BICD1: variants seen among roughly 807,000 people sequenced by gnomAD.
BICD1 encodes protein bicaudal D homolog 1.
BICD1 carries 35 observed loss-of-function variants against 92.5 expected under a neutral mutation model. The observed-to-expected ratio is 0.38, with a 90% CI of 0.29 to 0.50. BICD1 has a LOEUF of 0.50. Ranked by LOEUF, BICD1 falls within the 20% of genes least tolerant of loss-of-function variation. BICD1 has a pLI of 0.93. For synonymous variants in BICD1, 429 were observed against 465.1 expected (o/e 0.92, Z 1.00); for missense variants, 950 against 1,189.8 (o/e 0.80, Z 2.97).
rs59062799 is a variant in BICD1 at position 32,112,597 on chromosome 12, G to A, written c.213+5053G>A. Among the ~76,000 whole-genome samples, 375 of 152,274 alleles carry A rather than the reference G, an allele frequency of 2.5e-3. 3 individuals are homozygous for A. The highest frequency in any genetic ancestry group is 8.6e-3 in the African/African-American group (359 of 41,546). On this transcript the variant is annotated intron_variant, in intron 1 of 9. Coordinates refer to ENST00000652176, the MANE Select transcript of BICD1 (RefSeq NM_001714.4). ...CTTGCCCACACATAAGATTCCACCT[G>A]TAATTATGGCTTTGAGGAGAGGAGG...
At chr12:32,280,008 G>A (rs1947373051) in intron 2 of BICD1, among the ~76,000 whole-genome samples, 1 of 152,198 alleles carries the variant, frequency 6.6e-6, no homozygotes, top group Non-Finnish European at 1.5e-5. Context: ...TGAAGCAGGA[G>A]AATCACTTGA....
At chr12:32,203,463 G>A (rs907052619) in intron 1 of BICD1, among the ~76,000 whole-genome samples, 2 of 152,098 alleles carry the variant, frequency 1.3e-5, no homozygotes, top group Non-Finnish European at 2.9e-5. Context: ...AGCAACAACC[G>A]AAGCATACCC....
chr12:32,179,814 A>G (rs1944219697), intron 1 of BICD1, among the ~76,000 whole-genome samples: 1 of 151,654 alleles, frequency 6.6e-6, no homozygotes, highest in African/African-American at 2.4e-5. Context: ...AGCATGGTGA[A>G]GCCTCATCTT....
intron 2 of BICD1, among the ~76,000 whole-genome samples, chr12:32,273,722 C>T (rs1478948620): frequency 6.6e-6 from 1 of 152,186 alleles, no homozygotes; most frequent in Non-Finnish European, 1.5e-5. Flanking sequence ...AGAACTTTCT[C>T]CTTAGTTCAG....
At chr12:32,177,651 CA>C (rs1944134602) in intron 1 of BICD1, among the ~76,000 whole-genome samples, 1 of 121,734 alleles carries the variant, frequency 8.2e-6, no homozygotes, top group Admixed American at 7.7e-5. Flanking sequence ...GTTGAGTTTA[CA>C]AAAAAAGGAA....
chr12:32,238,770 C>T (rs142441664), intron 2 of BICD1, among the ~76,000 whole-genome samples: 1 of 151,276 alleles, frequency 6.6e-6, no homozygotes, highest in Non-Finnish European at 1.5e-5. Flanking sequence ...CATGCTGAAA[C>T]CCCATTTCTA....
At position 32,342,164 on chromosome 12, in the gene BICD1, A is replaced by ATATGTG. The variant is rs1555170783; in HGVS notation, c.2764+3186_2764+3187insATGTGT. Among the ~76,000 whole-genome samples, 280 of 140,302 alleles carry ATATGTG rather than the reference A, an allele frequency of 2.0e-3. 4 individuals are homozygous for ATATGTG. The highest frequency in any genetic ancestry group is 7.2e-3 in the African/African-American group (272 of 37,674). The allele number at this position is 140,302 out of a possible 152,430, so 92.0% of individuals were successfully genotyped here. The stretch of plus-strand genomic sequence containing the variant: ...TGTGTATATATATGTGTGTATATAT[A>ATATGTG]TGTATATATATATGTGTGTATATAT... On this transcript the variant is annotated intron_variant, in intron 8 of 9. Transcript: ENST00000652176.
In BICD1 at chr12:32,125,963, C is replaced by T. The variant is rs1200592699; in HGVS notation, c.213+18419C>T. 3.3e-5 allele frequency among the ~76,000 whole-genome samples: 5 copies of T among 149,988 alleles called. No homozygotes were observed. The South Asian group carries it at 8.4e-4, about 25-fold the overall frequency. On this transcript the variant is annotated intron_variant, in intron 1 of 9. Coordinates refer to ENST00000652176, the MANE Select transcript of BICD1 (RefSeq NM_001714.4). The stretch of plus-strand genomic sequence containing the variant: ...GCTCGGGAGCCTGAGGTGGGAGAAT[C>T]GCTTGAGCCCAGGAGGTGGAGTTTG...
chr12:32,238,866 C>T (rs1305709970), intron 2 of BICD1, among the ~76,000 whole-genome samples: 3 of 148,604 alleles, frequency 2.0e-5, no homozygotes, highest in Non-Finnish European at 4.4e-5. Flanking sequence ...ATCGATTGAA[C>T]CCGGGAGGTG....
At chr12:32,210,580 C>T (rs994367398) in intron 1 of BICD1, among the ~76,000 whole-genome samples, 4 of 152,082 alleles carry the variant, frequency 2.6e-5, no homozygotes, top group African/African-American at 9.7e-5. Context: ...GACTTACAGT[C>T]ACATCTAATT....
intron 9 of BICD1, among the ~76,000 whole-genome samples, chr12:32,372,216 A>G (rs1939765875): frequency 6.6e-6 from 1 of 152,232 alleles, no homozygotes; most frequent in Non-Finnish European, 1.5e-5. Context: ...CCAGTGGCTC[A>G]TGCCTGTAAT....
intron 1 of BICD1, among the ~76,000 whole-genome samples, chr12:32,127,754 A>C (rs899961680): frequency 6.6e-6 from 1 of 152,150 alleles, no homozygotes; most frequent in Non-Finnish European, 1.5e-5. Flanking sequence ...CCGTTTCCCC[A>C]ATAAGCATTA....
At chr12:32,359,661 G>T (rs1939248501) in intron 8 of BICD1, among the ~76,000 whole-genome samples, 1 of 151,980 alleles carries the variant, frequency 6.6e-6, no homozygotes, top group African/African-American at 2.4e-5. Context: ...AATTTTGGAG[G>T]GGATATTCAA....
chr12:32,348,723 A>AAT (rs11272207), intron 8 of BICD1, among the ~76,000 whole-genome samples: 199 of 117,704 alleles, frequency 1.7e-3, no homozygotes, highest in Non-Finnish European at 2.4e-3. Context: ...CTCACACAAA[A>AAT]ATATATATAT....
chr12:32,267,373 T>G (rs943933298), intron 2 of BICD1, among the ~76,000 whole-genome samples: 22 of 152,346 alleles, frequency 1.4e-4, no homozygotes, highest in African/African-American at 5.0e-4. Context: ...GTAGTTTTTT[T>G]GTTTTGTATT....
chr12:32,160,814 CATGT>C (rs1282364932), intron 1 of BICD1, among the ~76,000 whole-genome samples: 3 of 84 alleles, frequency 0.036, no homozygotes, highest in African/African-American at 0.083. Flanking sequence ...CAGATACACA[CATGT>C]GTGTTTTGTT....
chr12:32,195,185 T>G (rs59313683), intron 1 of BICD1, among the ~76,000 whole-genome samples: 5,376 of 152,080 alleles, frequency 0.035, 316 homozygotes, highest in African/African-American at 0.12. Flanking sequence ...ATGTCCATAC[T>G]ACTGAAAGCA....
At chr12:32,140,089 C>T (rs558413803) in intron 1 of BICD1, among the ~76,000 whole-genome samples, 3 of 152,298 alleles carry the variant, frequency 2.0e-5, no homozygotes, top group African/African-American at 7.2e-5. Flanking sequence ...TTTGAGGGGG[C>T]CTCTCCCGGC....
chr12:32,171,969 ACACACACACACACACACACACT>A (rs1943956567), intron 1 of BICD1, among the ~76,000 whole-genome samples: 1 of 149,224 alleles, frequency 6.7e-6, no homozygotes, highest in African/African-American at 2.5e-5. Context: ...ACACACACAC[ACACACACACACACACACACACT>A]AAAACTGCTG....
Sources: gnomAD v4.1 joint callset for allele counts (sites outside exome capture counted in the v4.1 genomes callset) on GRCh38, gnomAD v4.1.1 for gene constraint, MANE v1.5 for transcripts, NCBI Gene and HGNC (gene_info 2026-07-23, HGNC 2026-07-21) for gene names.